SLC22A23: variants seen among roughly 807,000 people sequenced by gnomAD.
SLC22A23 encodes the protein ion transporter protein.
SLC22A23 carries 26 observed loss-of-function variants against 61.0 expected under a neutral mutation model. That is an observed-to-expected ratio of 0.43 (90% confidence interval 0.31 to 0.59). The LOEUF is 0.59. Ranked by LOEUF, SLC22A23 falls within the 20% of genes least tolerant of loss-of-function variation. The probability of loss-of-function intolerance (pLI) is 0.11; values close to 1 mark genes in which losing one functional copy is unlikely to be tolerated. For synonymous variants in SLC22A23, 430 were observed against 413.9 expected, an observed-to-expected ratio of 1.04 and a Z score of -0.47; for missense variants, 796 against 934.7, an observed-to-expected ratio of 0.85 and a Z score of 1.94.
chr6:3,442,688 T>C (rs1235665371), intron 1 of SLC22A23, among the ~76,000 whole-genome samples: 1 of 152,220 alleles, frequency 6.6e-6, no homozygotes, highest in Non-Finnish European at 1.5e-5. Context: ...ACTGGGATGC[T>C]TGTGGCTGTT....
intron 4 of SLC22A23, among the ~76,000 whole-genome samples, chr6:3,315,128 A>G (rs1031298201): frequency 2.0e-5 from 3 of 151,420 alleles, no homozygotes; most frequent in African/African-American, 7.3e-5. Flanking sequence ...ATATTTTTCT[A>G]CTAGGTGTGC....
intron 3 of SLC22A23, among the ~76,000 whole-genome samples, chr6:3,398,455 T>C (rs1403294287): frequency 1.3e-5 from 1 of 79,510 alleles, no homozygotes; most frequent in East Asian, 2.3e-4. Flanking sequence ...CAAAGCACTA[T>C]TTTTTTTTTT....
At chr6:3,424,135 CA>C (rs1770323296) in intron 1 of SLC22A23, among the ~76,000 whole-genome samples, 1 of 152,200 alleles carries the variant, frequency 6.6e-6, no homozygotes, top group Non-Finnish European at 1.5e-5. Flanking sequence ...GGAAGAGAGC[CA>C]GGGGTGGCTG....
chr6:3,410,243 G>C lies in SLC22A23; in HGVS notation c.858C>G (p.Leu286=). 1 of 1,614,024 alleles carries C rather than the reference G, an allele frequency of 6.2e-7. No homozygotes were observed. Among genetic ancestry groups the C allele is most frequent in the Non-Finnish European group, 8.5e-7 (1 of 1,179,978 alleles). The change falls in exon 3 of 10, where the codon CTC becomes CTG. Residue 286 remains leucine, a synonymous_variant. Transcript: ENST00000406686. This position sits in a 1 kb window ranked among gnomAD's most constrained non-coding sequence, Gnocchi z 5.0. ...LSVNVTMFST[L]RFFEGFCLAG... ...CCAGGCAAAATCCTTCAAAGAACCT[G>C]AGTGTGCTGAACATTGTCACATTCA...
chr6:3,292,879 C>T (rs545205689), intron 5 of SLC22A23, among the ~76,000 whole-genome samples: 2 of 152,322 alleles, frequency 1.3e-5, no homozygotes, highest in South Asian at 2.1e-4. Flanking sequence ...CTTCCCGCCC[C>T]GTGCTCAGTG....
At position 3,456,709 on chromosome 6, in the gene SLC22A23, G is replaced by A. The variant is rs1391239437; in HGVS notation, c.-150C>T. ...GAGAGAGCGCTCGGCGGCTCCGGGT[G>A]CGTCAGGCCGCCCCCATGTCACCCG... On this transcript the variant is annotated 5_prime_UTR_variant, in exon 1 of 10. Coordinates refer to ENST00000406686, the MANE Select transcript of SLC22A23 (RefSeq NM_015482.2). The surrounding 1 kb of genome is among the most constrained non-coding windows in gnomAD (Gnocchi z 7.1). 2.5e-6 allele frequency: 1 copy of A among 394,374 alleles called. No homozygotes were observed. The highest frequency in any genetic ancestry group is 3.4e-6 in the Non-Finnish European group (1 of 292,540). 24.4% of individuals were successfully genotyped at this position (394,374 alleles called of 1,614,324 possible).
In SLC22A23 at chr6:3,415,194, T is replaced by G. The variant is rs371868355; in HGVS notation, c.758+558A>C. ...CTCACCTCTGGCCACCACCCTCCCC[T>G]GCCCACAGCGCCCATCTGTATTACC... On this transcript the variant is annotated intron_variant, in intron 2 of 9. Transcript: ENST00000406686. Among the ~76,000 whole-genome samples, 135 of 152,270 alleles carry G rather than the reference T, an allele frequency of 8.9e-4. 3 individuals carry two copies. In the South Asian group the frequency reaches 0.027, roughly 31 times the overall value.
chr6:3,433,946 A>ATG (rs1771034360), intron 1 of SLC22A23, among the ~76,000 whole-genome samples: 1 of 152,200 alleles, frequency 6.6e-6, no homozygotes, highest in South Asian at 2.1e-4. Context: ...GGGCATATAT[A>ATG]CAAGTCAAAA....
chr6:3,339,343 T>C (rs924291055), intron 3 of SLC22A23, among the ~76,000 whole-genome samples: 8 of 152,304 alleles, frequency 5.3e-5, no homozygotes, highest in Admixed American at 5.2e-4. Context: ...TTTTGTTTTC[T>C]GTTCATTCCC....
intron 3 of SLC22A23, among the ~76,000 whole-genome samples, chr6:3,358,951 G>A (rs919889944): frequency 3.3e-5 from 5 of 152,088 alleles, no homozygotes; most frequent in African/African-American, 1.2e-4. Flanking sequence ...TCTGCACCCC[G>A]AGCTGCCACC....
At chr6:3,334,927 C>G (rs1044771048) in intron 3 of SLC22A23, among the ~76,000 whole-genome samples, 10 of 152,314 alleles carry the variant, frequency 6.6e-5, no homozygotes, top group Admixed American at 5.9e-4. Context: ...GTGATTTCCA[C>G]ACCAGGGGCT....
chr6:3,375,237 T>G (rs1766487095), intron 3 of SLC22A23, among the ~76,000 whole-genome samples: 3 of 152,222 alleles, frequency 2.0e-5, no homozygotes, highest in Non-Finnish European at 2.9e-5. Flanking sequence ...AGTTGGTTTA[T>G]CCACCTCTAT....
chr6:3,273,419 G>T lies in SLC22A23; in HGVS notation c.1704-7C>A, dbSNP rs771245769. 2.2e-5 allele frequency: 35 copies of T among 1,611,654 alleles called. No homozygotes were observed. The East Asian group carries it at 3.1e-4, about 14-fold the overall frequency. Reference sequence around the variant, plus strand: ...CAGCCCCAGCCCGCCACACCTGCAGGGGGAGGGAAGCACAGGGATTGCTGC... The same window carrying T: ...CAGCCCCAGCCCGCCACACCTGCAGTGGGAGGGAAGCACAGGGATTGCTGC... On this transcript the variant is annotated splice_region_variant and splice_polypyrimidine_tract_variant and intron_variant, in intron 9 of 9. Coordinates refer to ENST00000406686, the MANE Select transcript of SLC22A23 (RefSeq NM_015482.2).
At chr6:3,405,239 C>T (rs757537569) in intron 3 of SLC22A23, among the ~76,000 whole-genome samples, 34 of 151,154 alleles carry the variant, frequency 2.2e-4, no homozygotes, top group Middle Eastern at 3.4e-3. Flanking sequence ...CCAGCCCAGG[C>T]GACAGTGCGA....
chr6:3,392,673 GGA>G (rs912920561), intron 3 of SLC22A23, among the ~76,000 whole-genome samples: 1 of 152,080 alleles, frequency 6.6e-6, no homozygotes, highest in Non-Finnish European at 1.5e-5. Context: ...GCTGATCAAG[GGA>G]GAGAGAGAGA....
chr6:3,321,639 G>C (rs895662300), intron 4 of SLC22A23, among the ~76,000 whole-genome samples: 1 of 152,082 alleles, frequency 6.6e-6, no homozygotes, highest in Non-Finnish European at 1.5e-5. Flanking sequence ...TGCATAACTG[G>C]AGTTGCTCTG....
rs1049747647 is a variant in SLC22A23, at chr6:3,310,211, G to A, written c.1083-11993C>T. Among the ~76,000 whole-genome samples the A allele has an allele frequency of 3.4e-5, 5 of 147,294 alleles. No homozygotes were observed. The South Asian group carries it at 6.3e-4, about 19-fold the overall frequency. ...CTGAGTGTCAGCACGCAGTTCAAGC[G>A]GGAGCACCCTGTCTCCCACTGGAGC... On this transcript the variant is annotated intron_variant, in intron 4 of 9. Coordinates refer to ENST00000406686, the MANE Select transcript of SLC22A23 (RefSeq NM_015482.2).
chr6:3,352,642 G>A (rs1764844592), intron 3 of SLC22A23, among the ~76,000 whole-genome samples: 1 of 152,204 alleles, frequency 6.6e-6, no homozygotes, highest in African/African-American at 2.4e-5. Flanking sequence ...GGACTCACCT[G>A]AATCATGGAA....
intron 4 of SLC22A23, among the ~76,000 whole-genome samples, chr6:3,298,958 G>A (rs183622009): frequency 0.034 from 4,714 of 136,854 alleles, 106 homozygotes; most frequent in Non-Finnish European, 0.05. Context: ...CGGCCTGGGC[G>A]ACAGAGCGAG....
Sources: gnomAD v4.1 joint callset for allele counts (sites outside exome capture counted in the v4.1 genomes callset) on GRCh38, gnomAD v4.1.1 for gene constraint, Gnocchi (gnomAD v3.1) non-coding constraint, MANE v1.5 for transcripts, NCBI Gene and HGNC (gene_info 2026-07-23, HGNC 2026-07-21) for gene names.